GRAMD1C: variants seen among roughly 807,000 people sequenced by gnomAD.
GRAMD1C encodes the protein GRAM domain containing 1C, also known as protein Aster-C.
In GRAMD1C, 89 loss-of-function variants were observed where a neutral mutation model predicts 97.8. That is an observed-to-expected ratio of 0.91 (90% CI 0.77 to 1.09). The LOEUF (loss-of-function observed/expected upper bound fraction) is 1.09. Among genes scored for constraint, GRAMD1C ranks in the 50% least tolerant of loss-of-function variants. GRAMD1C has a pLI of 0.00. For synonymous variants in GRAMD1C, 256 were observed against 267.0 expected (o/e 0.96, Z 0.40); for missense variants, 740 against 766.4 (o/e 0.97, Z 0.41).
chr3:113,865,129 A>G (rs1476647425), intron 2 of GRAMD1C, among the ~76,000 whole-genome samples: 1 of 152,114 alleles, frequency 6.6e-6, no homozygotes, highest in Non-Finnish European at 1.5e-5. Context: ...ACACGTTTGA[A>G]AGAGACAAAG....
In GRAMD1C at chr3:113,898,747, C is replaced by T. The variant is rs184371590; in HGVS notation, c.541-2284C>T. ...CATTGTAGGTTAATATAGTTCAGCT[C>T]GAAACAGAGGCTTGCCATTTCACTT... On this transcript the variant is annotated intron_variant, in intron 6 of 17. Transcript: ENST00000358160. Among the ~76,000 whole-genome samples the T allele has an allele frequency of 3.5e-3, 539 of 152,130 alleles. 6 individuals are homozygous for T. The highest frequency in any genetic ancestry group is 6.6e-3 in the Non-Finnish European group (451 of 67,946).
intron 6 of GRAMD1C, chr3:113,885,337 G>C (rs1935431292): frequency 1.3e-6 from 2 of 1,591,342 alleles, no homozygotes; most frequent in African/African-American, 2.7e-5. Flanking sequence ...GCGCACGTTC[G>C]TGGCCTTCGC....
chr3:113,935,282 T>C (rs1937555260), intron 13 of GRAMD1C, among the ~76,000 whole-genome samples: 1 of 152,062 alleles, frequency 6.6e-6, no homozygotes, highest in Non-Finnish European at 1.5e-5. Context: ...AAACTGATCA[T>C]AGATATACAC....
intron 10 of GRAMD1C, among the ~76,000 whole-genome samples, chr3:113,918,944 C>T (rs112261015): frequency 0.018 from 2,763 of 152,324 alleles, 37 homozygotes; most frequent in Non-Finnish European, 0.027. Flanking sequence ...GATCCTCCCA[C>T]GTCAGCCTCC....
intron 3 of GRAMD1C, among the ~76,000 whole-genome samples, chr3:113,872,602 C>T (rs961955200): frequency 6.6e-6 from 1 of 150,866 alleles, no homozygotes; most frequent in African/African-American, 2.4e-5. Context: ...TCCATGTTGG[C>T]CAGGCTGGTC....
chr3:113,904,899 A>G (rs967099599), intron 8 of GRAMD1C, among the ~76,000 whole-genome samples: 1 of 152,126 alleles, frequency 6.6e-6, no homozygotes, highest in Non-Finnish European at 1.5e-5. Context: ...CAATGGCATG[A>G]TCTCGGCTCA....
At chr3:113,879,884 G>C (rs973524001) in intron 5 of GRAMD1C, among the ~76,000 whole-genome samples, 1 of 151,882 alleles carries the variant, frequency 6.6e-6, no homozygotes, top group African/African-American at 2.4e-5. Flanking sequence ...AGTAGAGACG[G>C]GGTTTCACCA....
At chr3:113,879,955 A>C (rs911587074) in intron 5 of GRAMD1C, among the ~76,000 whole-genome samples, 1 of 151,894 alleles carries the variant, frequency 6.6e-6, no homozygotes, top group Non-Finnish European at 1.5e-5. Flanking sequence ...TGGCCGCCCA[A>C]AGTGTCGGGA....
intron 10 of GRAMD1C, chr3:113,919,247 G>A (rs1936946426): frequency 7.7e-6 from 3 of 391,506 alleles, no homozygotes; most frequent in Admixed American, 7.1e-5. Context: ...GGCTTTTTTG[G>A]TCCAGTTTGT....
chr3:113,844,537 A>G lies in GRAMD1C; in HGVS notation c.62A>G (p.Asp21Gly), dbSNP rs1933526317. Residue 21 changes from aspartate (D) to glycine (G), a missense_variant, in exon 2 of 18, where the codon GAC becomes GGC. By Grantham distance (94) the Asp-to-Gly change is moderately conservative. Coordinates refer to ENST00000358160, the MANE Select transcript of GRAMD1C (RefSeq NM_017577.5). ...MNEGDSSLAT[D>G]LQEDVEENPS... ...GAAGGGGATTCAAGCCTTGCCACCG[A>G]CTTACAGGAAGATGTAGAGGAAAAT... 6.2e-7 allele frequency: 1 copy of G among 1,605,460 alleles called. No individual in the cohort carries two copies. The highest frequency in any genetic ancestry group is 2.2e-5 in the East Asian group (1 of 44,686).
intron 5 of GRAMD1C, among the ~76,000 whole-genome samples, chr3:113,879,984 G>A (rs201291247): frequency 9.2e-5 from 14 of 152,104 alleles, no homozygotes; most frequent in East Asian, 5.8e-4. Context: ...GTGAGCCACC[G>A]TGCCCGGCTG....
intron 2 of GRAMD1C, 59 bp downstream of exon 2, chr3:113,844,708 C>G: frequency 1.7e-6 from 2 of 1,211,538 alleles, no homozygotes; most frequent in Non-Finnish European, 2.4e-6. Context: ...TTTAAATCTG[C>G]AAGGAGTCAT....
chr3:113,860,875 A>C (rs942738684), intron 2 of GRAMD1C, among the ~76,000 whole-genome samples: 1 of 151,832 alleles, frequency 6.6e-6, no homozygotes, highest in Non-Finnish European at 1.5e-5. Context: ...CTGAGGCAGG[A>C]GAATCGCTTG....
chr3:113,902,615 T>G (rs1936218283), intron 7 of GRAMD1C, among the ~76,000 whole-genome samples: 1 of 152,192 alleles, frequency 6.6e-6, no homozygotes, highest in Admixed American at 6.5e-5. Flanking sequence ...TATTTTTGAC[T>G]AGCTGCTGTT....
intron 6 of GRAMD1C, among the ~76,000 whole-genome samples, chr3:113,894,045 A>G (rs1419870448): frequency 6.6e-6 from 1 of 152,208 alleles, no homozygotes; most frequent in Admixed American, 6.5e-5. Flanking sequence ...TTATCTTGAA[A>G]CACTAAAGCA....
rs143953158 is a variant in GRAMD1C, at chr3:113,934,769, A to G, written c.1456+234A>G. On this transcript the variant is annotated intron_variant, in intron 13 of 17. Transcript: ENST00000358160. ...TTATTTTTTATTTTTTTTGAGATGG[A>G]GTCTTGCTTTGTTGCCTAGGCTGGA... 1.9e-3 allele frequency among the ~76,000 whole-genome samples: 296 copies of G among 152,084 alleles called. 1 individual carries two copies. Among genetic ancestry groups the G allele is most frequent in the African/African-American group, 6.8e-3 (283 of 41,468 alleles).
intron 17 of GRAMD1C, among the ~76,000 whole-genome samples, chr3:113,942,267 T>C (rs1159360133): frequency 1.3e-5 from 2 of 152,130 alleles, no homozygotes; most frequent in Non-Finnish European, 1.5e-5. Context: ...TCTGAAGATA[T>C]TACTGATAGT....
intron 2 of GRAMD1C, among the ~76,000 whole-genome samples, chr3:113,860,233 A>T (rs1934311031): frequency 6.6e-6 from 1 of 152,040 alleles, no homozygotes. Context: ...TGTTGGTCAG[A>T]CCAGTCTCAA....
chr3:113,931,914 A>C (rs1016008250), intron 11 of GRAMD1C, among the ~76,000 whole-genome samples: 1 of 152,190 alleles, frequency 6.6e-6, no homozygotes, highest in Non-Finnish European at 1.5e-5. Context: ...CAACAGAGCT[A>C]GACTCTGTCT....
Sources: allele counts gnomAD v4.1 joint callset (sites outside exome capture counted in the v4.1 genomes callset), GRCh38; gene constraint gnomAD v4.1.1; transcripts MANE v1.5; gene names NCBI Gene and HGNC (gene_info 2026-07-23, HGNC 2026-07-21).